The following STXBP3 variants were observed in gnomAD, a reference collection of about 807,000 sequenced individuals.
STXBP3 encodes the protein syntaxin binding protein 3, also known as syntaxin-binding protein 3.
STXBP3 carries 41 observed loss-of-function variants against 85.7 expected under a neutral mutation model. The ratio of observed to expected loss-of-function variants is 0.48; its 90% CI spans 0.37 to 0.62. STXBP3 has a LOEUF of 0.62. Ranked by LOEUF, STXBP3 falls within the 20% of genes least tolerant of loss-of-function variation. The pLI is 0.00. For synonymous variants in STXBP3, 229 were observed against 231.7 expected, an observed-to-expected ratio of 0.99 and a Z score of 0.10; for missense variants, 563 against 703.1, an observed-to-expected ratio of 0.80 and a Z score of 2.25.
chr1:108,805,902 T>C (rs974356235), intron 17 of STXBP3, among the ~76,000 whole-genome samples: 1 of 152,100 alleles, frequency 6.6e-6, no homozygotes, highest in African/African-American at 2.4e-5. Flanking sequence ...CAAGACCCCA[T>C]CTCTAACAAA....
At chr1:108,757,062 TG>T (rs552244800) in intron 4 of STXBP3, 38 of 196,974 alleles carry the variant, frequency 1.9e-4, no homozygotes, top group Non-Finnish European at 3.3e-4. Flanking sequence ...CTATACCTTT[TG>T]GGGGGATGGT....
Position 108,771,750 on chromosome 1 carries a change from TATG to T in STXBP3, c.439-912_439-910del, listed in dbSNP as rs1390566133. Among the ~76,000 whole-genome samples, 3 of 43,752 alleles carry T rather than the reference TATG, an allele frequency of 6.9e-5. No homozygotes were observed. The East Asian group carries it at 9.9e-4, about 14-fold the overall frequency. The allele number at this position is 43,752 out of a possible 152,430, so 28.7% of individuals were successfully genotyped here. ...TCTATATATATCATATATAAATATA[TATG>T]ATATCTATCTATATATCATATATAA... On this transcript the variant is annotated intron_variant, in intron 6 of 18. Transcript: ENST00000370008.
intron 9 of STXBP3, chr1:108,779,867 G>A (rs1241728182): frequency 6.6e-6 from 1 of 152,162 alleles, no homozygotes; most frequent in Admixed American, 6.5e-5. Context: ...GAGGACAACA[G>A]GCATAGTTTT....
intron 6 of STXBP3, among the ~76,000 whole-genome samples, chr1:108,761,006 C>T (rs1217199180): frequency 5.3e-5 from 8 of 152,052 alleles, no homozygotes; most frequent in African/African-American, 1.2e-4. Flanking sequence ...CAAGTTCAAG[C>T]GATTCTCCTG....
intron 6 of STXBP3, chr1:108,766,944 A>C (rs1375861573): frequency 3.7e-6 from 2 of 535,512 alleles, no homozygotes; most frequent in Non-Finnish European, 7.6e-6. Context: ...CAGTGGCACT[A>C]TTCCAATTTT....
intron 6 of STXBP3, among the ~76,000 whole-genome samples, chr1:108,762,145 G>A (rs375697535): frequency 2.0e-5 from 3 of 152,204 alleles, no homozygotes; most frequent in African/African-American, 7.2e-5. Context: ...TTCAGTGGAC[G>A]TTGTTTGTTA....
chr1:108,751,667 G>T (rs779622156), intron 1 of STXBP3, among the ~76,000 whole-genome samples: 79 of 152,002 alleles, frequency 5.2e-4, no homozygotes, highest in Admixed American at 8.5e-4. Flanking sequence ...TTGTCCACAT[G>T]AATTATTTAA....
At chr1:108,785,425 C>T (rs1210821440) in intron 11 of STXBP3, among the ~76,000 whole-genome samples, 1 of 152,156 alleles carries the variant, frequency 6.6e-6, no homozygotes, top group Non-Finnish European at 1.5e-5. Context: ...AGCTGGGATG[C>T]AGGGTACCAA....
At chr1:108,785,111 A>G (rs997288964) in intron 11 of STXBP3, among the ~76,000 whole-genome samples, 1 of 152,098 alleles carries the variant, frequency 6.6e-6, no homozygotes, top group African/African-American at 2.4e-5. Flanking sequence ...GATCTGGAGG[A>G]TGGTGACCCG....
chr1:108,791,318 G>A (rs1240972330), intron 11 of STXBP3, among the ~76,000 whole-genome samples: 6 of 152,132 alleles, frequency 3.9e-5, no homozygotes, highest in Non-Finnish European at 7.4e-5. Flanking sequence ...ATGCCTTACT[G>A]TAATGTGGTT....
intron 7 of STXBP3, among the ~76,000 whole-genome samples, chr1:108,774,998 C>CT (rs1314964940): frequency 6.6e-6 from 1 of 151,916 alleles, no homozygotes; most frequent in African/African-American, 2.4e-5. Context: ...CAAAATATTC[C>CT]TTTACGCTTT....
rs1454441115 is a variant in STXBP3, at chr1:108,779,230, T to C, written c.685-56T>C. 4 of 1,557,630 alleles carry C rather than the reference T, an allele frequency of 2.6e-6. No individual in the cohort carries two copies. In the African/African-American group the frequency reaches 4.1e-5, roughly 16 times the overall value. On this transcript the variant is annotated intron_variant, in intron 8 of 18. Coordinates refer to ENST00000370008, the MANE Select transcript of STXBP3 (RefSeq NM_007269.4). ...GCTTTGTATTCTAAGATATTAAAACTATGTTCACACTAAGAAATTGAAGCT... is the reference window on the plus strand; with the variant it reads ...GCTTTGTATTCTAAGATATTAAAACCATGTTCACACTAAGAAATTGAAGCT...
chr1:108,784,451 A>G (rs1201215151), intron 11 of STXBP3, among the ~76,000 whole-genome samples: 1 of 152,214 alleles, frequency 6.6e-6, no homozygotes, highest in Non-Finnish European at 1.5e-5. Flanking sequence ...ACGCACTATC[A>G]CAAGAATAGC....
At chr1:108,802,782 A>G (rs566363402) in intron 17 of STXBP3, among the ~76,000 whole-genome samples, 17 of 152,334 alleles carry the variant, frequency 1.1e-4, no homozygotes, top group Non-Finnish European at 1.9e-4. Flanking sequence ...TGACCACCTT[A>G]TTCTGCCATG....
At position 108,808,807 on chromosome 1, in the gene STXBP3, A is replaced by G. The variant is rs917624374; in HGVS notation, c.1709A>G (p.Lys570Arg). The stretch of plus-strand genomic sequence containing the variant: ...GGTTCTACACATGTTTTAACACCCA[A>G]AAAGCTGTTGGATGATATAAAGATG... Reference protein sequence around the residue: ...IIGSTHVLTPKKLLDDIKMLN... With the variant: ...IIGSTHVLTPRKLLDDIKMLN... Residue 570 changes from lysine (K) to arginine (R), a missense_variant, in exon 19 of 19, where the codon AAA (lysine) becomes AGA (arginine). Around this residue, in one of 3 missense-constraint regions of STXBP3, gnomAD observed 494 missense variants for 592.8 expected, o/e 0.83. Transcript: ENST00000370008. The G allele has an allele frequency of 4.3e-6, 7 of 1,613,088 alleles. No individual in the cohort carries two copies. The highest frequency in any genetic ancestry group is 2.2e-5 in the East Asian group (1 of 44,808).
chr1:108,763,196 T>C (rs375254013), intron 6 of STXBP3, among the ~76,000 whole-genome samples: 9 of 152,274 alleles, frequency 5.9e-5, no homozygotes, highest in African/African-American at 1.2e-4. Context: ...CATAGCTATA[T>C]ACATTCCAAC....
Position 108,746,749 on chromosome 1 carries a change from G to T in STXBP3, c.12G>T (p.Pro4=), listed in dbSNP as rs1422083428. The change falls in exon 1 of 19, where the codon CCG becomes CCT. Residue 4 remains proline, a synonymous_variant. Transcript: ENST00000370008. ...GCAGTGTCGGGAAGATGGCGCCGCCGGTGGCAGAGAGGGGGCTAAAGAGCG... is the reference window on the plus strand; with the variant it reads ...GCAGTGTCGGGAAGATGGCGCCGCCTGTGGCAGAGAGGGGGCTAAAGAGCG... MAP[P]VAERGLKSVV... The T allele has an allele frequency of 3.9e-6, 6 of 1,550,132 alleles. No individual in the cohort carries two copies. Among genetic ancestry groups the T allele is most frequent in the Non-Finnish European group, 4.4e-6 (5 of 1,146,466 alleles).
intron 6 of STXBP3, among the ~76,000 whole-genome samples, chr1:108,766,499 A>G (rs1003621504): frequency 1.3e-5 from 2 of 152,146 alleles, no homozygotes; most frequent in African/African-American, 2.4e-5. Context: ...TGTGTAAGCT[A>G]TCCTGCTTGG....
rs78633071 is a variant in STXBP3, at chr1:108,795,703, A to G, written c.1111-531A>G. On this transcript the variant is annotated intron_variant, in intron 13 of 18. Coordinates refer to ENST00000370008, the MANE Select transcript of STXBP3 (RefSeq NM_007269.4). ...ATGTGGCTAGTGGCCACAGTACTGG[A>G]TAGCATAGGTTTAGATTAATGATTT... is the stretch of plus-strand genomic sequence containing the variant. 7.1e-4 allele frequency among the ~76,000 whole-genome samples: 108 copies of G among 152,274 alleles called. No individual in the cohort carries two copies. The East Asian group carries it at 0.018, about 25-fold the overall frequency.
Sources: allele counts gnomAD v4.1 joint callset (sites outside exome capture counted in the v4.1 genomes callset), GRCh38; gene constraint gnomAD v4.1.1; regional missense constraint gnomAD v4.1.1; transcripts MANE v1.5; gene names NCBI Gene and HGNC (gene_info 2026-07-23, HGNC 2026-07-21).